The following PLCH2 variants were observed in gnomAD, a reference collection of about 807,000 sequenced individuals.
PLCH2 encodes the protein 1-phosphatidylinositol 4,5-bisphosphate phosphodiesterase eta-2.
Under a neutral mutation model 134.7 loss-of-function variants are expected in PLCH2, and 98 were observed. That is an observed-to-expected ratio of 0.73 (90% CI 0.62 to 0.86). The LOEUF is 0.86. Ranked by LOEUF, PLCH2 falls within the 40% of genes least tolerant of loss-of-function variation. PLCH2 has a pLI of 0.00. For missense variants in PLCH2, 1,994 were observed against 1,986.6 expected (o/e 1.00, Z -0.07); for synonymous variants, 974 against 827.5 (o/e 1.18, Z -3.04).
intron 5 of PLCH2, among the ~76,000 whole-genome samples, chr1:2,485,292 G>A (rs962581927): frequency 1.2e-4 from 18 of 152,238 alleles, no homozygotes; most frequent in Non-Finnish European, 2.2e-4. Context: ...TCAGGCCTGG[G>A]CAGGGACTGG....
At chr1:2,485,468 G>A (rs962543619) in intron 5 of PLCH2, among the ~76,000 whole-genome samples, 2 of 152,210 alleles carry the variant, frequency 1.3e-5, no homozygotes, top group African/African-American at 4.8e-5. Flanking sequence ...CCTCAGGGAG[G>A]AGAGCAGGGA....
chr1:2,448,708 C>A lies in PLCH2; in HGVS notation c.115+18079C>A, dbSNP rs35266170. Among the ~76,000 whole-genome samples, 16,873 of 151,902 alleles carry A rather than the reference C, an allele frequency of 0.11. 1,023 individuals carry two copies. Among genetic ancestry groups the A allele is most frequent in the East Asian group, 0.14 (702 of 5,120 alleles). On this transcript the variant is annotated intron_variant, in intron 2 of 3. Coordinates refer to the PLCH2 transcript ENST00000609981. This position sits in a 1 kb window ranked among gnomAD's most constrained non-coding sequence, Gnocchi z 4.0. ...CTGAGGTCCCACAGGCCCCCTGGCG[C>A]AGCCTCCTGGCTCCCCACCATCCCC...
At chr1:2,438,876 AG>A (rs1186412121) in intron 2 of PLCH2, among the ~76,000 whole-genome samples, 1 of 152,162 alleles carries the variant, frequency 6.6e-6, no homozygotes, top group Non-Finnish European at 1.5e-5. Context: ...CAGCGTGTGC[AG>A]GGGGGAACCG....
chr1:2,463,382 G>A (rs960983984), upstream of PLCH2, among the ~76,000 whole-genome samples: 3 of 152,244 alleles, frequency 2.0e-5, no homozygotes, highest in Non-Finnish European at 4.4e-5. Context: ...GGGGGACCTC[G>A]CTGTGTCCCC....
At position 2,444,472 on chromosome 1, in the gene PLCH2, C is replaced by T. The variant is rs1639847969; in HGVS notation, c.115+13843C>T. On this transcript the variant is annotated intron_variant, in intron 2 of 3. Coordinates refer to the PLCH2 transcript ENST00000609981. The surrounding 1 kb of genome is among the most constrained non-coding windows in gnomAD (Gnocchi z 4.6). ...GTGCAGCGGGCACTGCCCGGGCAGG[C>T]GGGAGCTCCGGAGGCCCTGGGGCGG... Among the ~76,000 whole-genome samples the T allele has an allele frequency of 6.6e-6, 1 of 152,122 alleles. No homozygotes were observed. The highest frequency in any genetic ancestry group is 1.5e-5 in the Non-Finnish European group (1 of 67,992).
chr1:2,421,503 C>T (rs1638513226), upstream of PLCH2, among the ~76,000 whole-genome samples: 1 of 152,206 alleles, frequency 6.6e-6, no homozygotes, highest in Non-Finnish European at 1.5e-5. Flanking sequence ...TTCTAGCTTA[C>T]TGTGATCCAC....
Position 2,503,937 on chromosome 1 carries a change from C to A in PLCH2, c.2975C>A (p.Ser992Tyr). Residue 992 changes from serine (S) to tyrosine (Y), a missense_variant, in exon 22 of 22, where the codon TCC becomes TAC. By Grantham distance (144) the Ser-to-Tyr change is moderately radical (BLOSUM62 -2). Coordinates refer to ENST00000378486, the MANE Select transcript of PLCH2 (RefSeq NM_014638.4). ...CTCCCCACAGACACCCGCCCCCTCTCCACGCAGCGGCCACTCCCCCCACTG... is the reference window on the plus strand; with the variant it reads ...CTCCCCACAGACACCCGCCCCCTCTACACGCAGCGGCCACTCCCCCCACTG... The part of the protein sequence containing the change: ...SGSPRDTRPL[S>Y]TQRPLPPLCS... 3 of 1,240,434 alleles carry A rather than the reference C, an allele frequency of 2.4e-6. No homozygotes were observed. The highest frequency in any genetic ancestry group is 2.3e-6 in the Non-Finnish European group (2 of 870,708). 76.8% of individuals were successfully genotyped at this position (1,240,434 alleles called of 1,614,324 possible).
At chr1:2,433,905 T>C (rs779950453) in intron 2 of PLCH2, among the ~76,000 whole-genome samples, 25 of 152,154 alleles carry the variant, frequency 1.6e-4, no homozygotes, top group Non-Finnish European at 3.2e-4. Context: ...GGCCGTTTGG[T>C]CCCTTCAAAC....
At chr1:2,462,838 A>T (rs1640887406), upstream of PLCH2, among the ~76,000 whole-genome samples, 1 of 152,110 alleles carries the variant, frequency 6.6e-6, no homozygotes, top group Non-Finnish European at 1.5e-5. Flanking sequence ...CGCTCAGCCC[A>T]TCCTGGTGCC....
At chr1:2,447,895 C>T (rs976014511) in intron 2 of PLCH2, among the ~76,000 whole-genome samples, 8 of 152,190 alleles carry the variant, frequency 5.3e-5, no homozygotes, top group African/African-American at 1.2e-4. Flanking sequence ...GAGGTCTTTC[C>T]GTCCCTCCCT....
Position 2,499,821 on chromosome 1 carries a change from G to A in PLCH2, c.2661+101G>A, listed in dbSNP as rs1360809327. On this transcript the variant is annotated intron_variant, in intron 20 of 21. Transcript: ENST00000378486. Reference sequence around the variant, plus strand: ...TCCCCAGTGCTGGGTCCTGAACTCAGGCAGTGAGGCCTAGGGTCCCCTCCC... The same window carrying A: ...TCCCCAGTGCTGGGTCCTGAACTCAAGCAGTGAGGCCTAGGGTCCCCTCCC... 5 of 916,698 alleles carry A rather than the reference G, an allele frequency of 5.5e-6. No individual in the cohort carries two copies. The Admixed American group carries it at 8.0e-5, about 15-fold the overall frequency. 56.8% of individuals were successfully genotyped at this position (916,698 alleles called of 1,614,324 possible).
At chr1:2,473,808 C>G (rs1248048773), upstream of PLCH2, among the ~76,000 whole-genome samples, 1 of 152,244 alleles carries the variant, frequency 6.6e-6, no homozygotes, top group African/African-American at 2.4e-5. Context: ...GGGCCCTCCT[C>G]TCCCCGACGG....
chr1:2,454,317 GGCAGCCCCGAGACAGGGTCTTAGGGCT>G (rs1384752886), intron 2 of PLCH2, among the ~76,000 whole-genome samples: 1 of 152,234 alleles, frequency 6.6e-6, no homozygotes, highest in Non-Finnish European at 1.5e-5. Context: ...GGGATCCCCA[GGCAGCCCCGAGACAGGGTCTTAGGGCT>G]GCCTCTGCAG....
chr1:2,443,856 C>A (rs1228335485), intron 2 of PLCH2, among the ~76,000 whole-genome samples: 1 of 149,818 alleles, frequency 6.7e-6, no homozygotes, highest in African/African-American at 2.4e-5. Context: ...AGCCCGAGCC[C>A]GAGCCCGGCC....
At chr1:2,426,292 T>C (rs41315656) in intron 1 of PLCH2, among the ~76,000 whole-genome samples, 1 of 152,366 alleles carries the variant, frequency 6.6e-6, no homozygotes, top group Non-Finnish European at 1.5e-5. Context: ...GGCCACACTC[T>C]GGGGAGCAGT....
intron 9 of PLCH2, 90 bp downstream of exon 9, chr1:2,489,468 C>A: frequency 7.2e-7 from 1 of 1,383,696 alleles, no homozygotes; most frequent in Non-Finnish European, 1.0e-6. Flanking sequence ...GGGCATCATG[C>A]CATCCATGGG....
intron 2 of PLCH2, among the ~76,000 whole-genome samples, chr1:2,441,668 G>A (rs1049712537): frequency 1.2e-4 from 19 of 152,154 alleles, no homozygotes; most frequent in Non-Finnish European, 5.9e-5. Flanking sequence ...AAGCAGAGAA[G>A]CTGCAGGAGC....
chr1:2,457,154 G>C (rs1230400947), intron 2 of PLCH2, among the ~76,000 whole-genome samples: 2 of 152,192 alleles, frequency 1.3e-5, no homozygotes, highest in Non-Finnish European at 2.9e-5. Flanking sequence ...CCTGGGGCTG[G>C]GGGGTACCCA....
intron 1 of PLCH2, among the ~76,000 whole-genome samples, chr1:2,477,803 A>G (rs1641716020): frequency 6.6e-6 from 1 of 152,192 alleles, no homozygotes; most frequent in Admixed American, 6.5e-5. Context: ...TGCGACGCAG[A>G]CATTCATGGC....
Sources: gnomAD v4.1 joint callset for allele counts (sites outside exome capture counted in the v4.1 genomes callset) on GRCh38, gnomAD v4.1.1 for gene constraint, Gnocchi (gnomAD v3.1) non-coding constraint, MANE v1.5 for transcripts, NCBI Gene and HGNC (gene_info 2026-07-23, HGNC 2026-07-21) for gene names.